The following SPNS2 variants were observed in gnomAD, a reference collection of about 807,000 sequenced individuals.
The protein encoded by SPNS2 is sphingosine-1-phosphate transporter SPNS2.
Under a neutral mutation model 57.6 loss-of-function variants are expected in SPNS2, and 37 were observed. The observed-to-expected ratio is 0.64, with a 90% CI of 0.49 to 0.85. SPNS2 has a LOEUF of 0.85. SPNS2 is among the 40% of genes least tolerant of loss of function. The pLI is 0.00. For missense variants in SPNS2, 831 were observed against 779.1 expected, an observed-to-expected ratio of 1.07 and a Z score of -0.79; for synonymous variants, 440 against 346.9, an observed-to-expected ratio of 1.27 and a Z score of -2.98.
intron 2 of SPNS2, among the ~76,000 whole-genome samples, chr17:4,516,336 AAAAAAAAC>A (rs1904991646): frequency 1.6e-5 from 2 of 126,668 alleles, no homozygotes; most frequent in African/African-American, 6.0e-5. Context: ...AAAAAAAAAA[AAAAAAAAC>A]AAAAAAACCG....
intron 1 of SPNS2, among the ~76,000 whole-genome samples, chr17:4,502,918 G>A (rs767013932): frequency 3.9e-5 from 6 of 152,134 alleles, no homozygotes; most frequent in East Asian, 1.9e-4. Flanking sequence ...CTGCCCCAGC[G>A]CCACCCGGTG....
intron 2 of SPNS2, among the ~76,000 whole-genome samples, chr17:4,523,340 A>G (rs1905185914): frequency 6.6e-6 from 1 of 152,184 alleles, no homozygotes; most frequent in African/African-American, 2.4e-5. Context: ...CAAGAGGCTA[A>G]GGCAGGAGAA....
rs1186978841 is a variant in SPNS2, at chr17:4,510,397, T to A, written c.371-2850T>A. ...CGCCCATCTGGATGTGGAGGAATGTTCTCCCTCTACCAGGAGCTCTATGTG... is the reference window on the plus strand; with the variant it reads ...CGCCCATCTGGATGTGGAGGAATGTACTCCCTCTACCAGGAGCTCTATGTG... On this transcript the variant is annotated intron_variant, in intron 1 of 12. Coordinates refer to ENST00000329078, the MANE Select transcript of SPNS2 (RefSeq NM_001124758.3). The surrounding 1 kb of genome is among the most constrained non-coding windows in gnomAD (Gnocchi z 4.4). Among the ~76,000 whole-genome samples, 1 of 152,070 alleles carries A rather than the reference T, an allele frequency of 6.6e-6. No individual in the cohort carries two copies. Among genetic ancestry groups the A allele is most frequent in the Non-Finnish European group, 1.5e-5 (1 of 68,004 alleles).
chr17:4,499,702 G>A lies in SPNS2; in HGVS notation c.370+285G>A. On this transcript the variant is annotated intron_variant, in intron 1 of 12. Coordinates refer to ENST00000329078, the MANE Select transcript of SPNS2 (RefSeq NM_001124758.3). The surrounding 1 kb of genome is among the most constrained non-coding windows in gnomAD (Gnocchi z 5.2). ...CTCTCCAGCCCTTGACGGCCCATCC[G>A]TTGTCCTCCTCTCCAAGAGTCTCCT... 3.3e-6 allele frequency: 1 copy of A among 303,572 alleles called. No homozygotes were observed. The highest frequency in any genetic ancestry group is 6.1e-6 in the Non-Finnish European group (1 of 164,760). The allele number at this position is 303,572 out of a possible 1,614,324, so 18.8% of individuals were successfully genotyped here.
At chr17:4,528,052 C>T (rs999378354) in intron 3 of SPNS2, among the ~76,000 whole-genome samples, 9 of 151,270 alleles carry the variant, frequency 5.9e-5, no homozygotes, top group African/African-American at 1.2e-4. Flanking sequence ...GACGGAGTTT[C>T]GCTCTTGCTG....
chr17:4,530,641 C>T lies in SPNS2; in HGVS notation c.583C>T (p.Leu195=). 1 of 1,612,110 alleles carries T rather than the reference C, an allele frequency of 6.2e-7. No individual in the cohort carries two copies. Among genetic ancestry groups the T allele is most frequent in the Non-Finnish European group, 8.5e-7 (1 of 1,179,282 alleles). The change falls in exon 4 of 13, where the codon CTG becomes TTG. Residue 195 remains leucine (L), a synonymous_variant. Coordinates refer to ENST00000329078, the MANE Select transcript of SPNS2 (RefSeq NM_001124758.3). ...CCACCCCTCCTCACAGTACTTCTGGCTGCTGGTCCTGTCCCGGGGGCTGGT... is the reference window on the plus strand; with the variant it reads ...CCACCCCTCCTCACAGTACTTCTGGTTGCTGGTCCTGTCCCGGGGGCTGGT... ...SSFIPQQYFW[L]LVLSRGLVGI... is the part of the protein sequence containing the mutation.
Position 4,533,077 on chromosome 17 carries a change from G to T in SPNS2, c.1036G>T (p.Val346Leu). The change falls in exon 7 of 13, where the codon GTG (valine) becomes TTG (leucine). Residue 346 changes from valine (V) to leucine (L), a missense_variant. By Grantham distance (32) the Val-to-Leu change is conservative. Around this residue, in one of 2 missense-constraint regions of SPNS2, gnomAD observed 526 missense variants for 400.9 expected, o/e 1.31. Coordinates refer to ENST00000329078, the MANE Select transcript of SPNS2 (RefSeq NM_001124758.3). ...GCTCTACCTGCACCGCGCCCAAGTT[G>T]TGCAGAAGACAGCAGAGACGTGCAA... ...IPLYLHRAQV[V>L]QKTAETCNSP... is the part of the protein sequence containing the mutation. 1 of 1,613,306 alleles carries T rather than the reference G, an allele frequency of 6.2e-7. No homozygotes were observed. The highest frequency in any genetic ancestry group is 8.5e-7 in the Non-Finnish European group (1 of 1,179,930).
intron 2 of SPNS2, among the ~76,000 whole-genome samples, chr17:4,516,029 T>C (rs1300940957): frequency 2.0e-5 from 3 of 152,180 alleles, no homozygotes; most frequent in Non-Finnish European, 4.4e-5. Flanking sequence ...TTACAGCTCA[T>C]AGGCTGGGCG....
chr17:4,532,849 C>A (rs1467399970), intron 6 of SPNS2, 128 bp from the exon 7 acceptor site: 2 of 1,469,154 alleles, frequency 1.4e-6, no homozygotes, highest in East Asian at 2.3e-5. Context: ...TTCCTGCAGC[C>A]TGAACCCTCA....
intron 2 of SPNS2, among the ~76,000 whole-genome samples, chr17:4,524,741 A>G (rs1334234033): frequency 6.6e-6 from 1 of 152,250 alleles, no homozygotes; most frequent in African/African-American, 2.4e-5. Context: ...GTGAGCCCCT[A>G]GCATAGTGTG....
rs765998678 is a variant in SPNS2 at position 4,499,705 on chromosome 17, G to A, written c.370+288G>A. On this transcript the variant is annotated intron_variant, in intron 1 of 12. Transcript: ENST00000329078. The surrounding 1 kb of genome is among the most constrained non-coding windows in gnomAD (Gnocchi z 5.2). ...TCCAGCCCTTGACGGCCCATCCGTT[G>A]TCCTCCTCTCCAAGAGTCTCCTCTG... is the stretch of plus-strand genomic sequence containing the variant. The A allele has an allele frequency of 4.0e-5, 12 of 298,664 alleles. No individual in the cohort carries two copies. The highest frequency in any genetic ancestry group is 8.9e-4 in the Middle Eastern group (1 of 1,126). 18.5% of individuals were successfully genotyped at this position (298,664 alleles called of 1,614,324 possible).
chr17:4,519,039 C>T (rs1183747563), intron 2 of SPNS2, among the ~76,000 whole-genome samples: 3 of 152,214 alleles, frequency 2.0e-5, no homozygotes, highest in Admixed American at 6.5e-5. Context: ...GAGCATTCTC[C>T]GTCAGCTTGG....
At position 4,499,106 on chromosome 17, in the gene SPNS2, A is replaced by G; in HGVS notation, c.59A>G (p.Asp20Gly). Residue 20 changes from aspartate to glycine, a missense_variant, in exon 1 of 13, where the codon GAC becomes GGC. Transcript: ENST00000329078. This position sits in a 1 kb window ranked among gnomAD's most constrained non-coding sequence, Gnocchi z 5.2. ...AAGGAEEEEA[D>G]AERRRRRRGA... Reference sequence around the variant, plus strand: ...GGCGGCGCGGAGGAGGAGGAGGCGGACGCGGAGCGGCGGCGCCGGCGCCGG... The same window carrying G: ...GGCGGCGCGGAGGAGGAGGAGGCGGGCGCGGAGCGGCGGCGCCGGCGCCGG... 1 of 1,084,502 alleles carries G rather than the reference A, an allele frequency of 9.2e-7. No individual in the cohort carries two copies. Among genetic ancestry groups the G allele is most frequent in the South Asian group, 4.4e-5 (1 of 22,880 alleles). 67.2% of individuals were successfully genotyped at this position (1,084,502 alleles called of 1,614,324 possible). A position where few individuals can be genotyped will look rare whatever the true frequency, so the allele number is the denominator to read the frequency against.
chr17:4,525,100 C>T lies in SPNS2; in HGVS notation c.480C>T (p.Tyr160=), dbSNP rs752391819. 3.7e-6 allele frequency: 6 copies of T among 1,614,228 alleles called. No individual in the cohort carries two copies. The highest frequency in any genetic ancestry group is 4.2e-6 in the Non-Finnish European group (5 of 1,180,030). The change falls in exon 3 of 13, where the codon TAC becomes TAT. Residue 160 remains tyrosine, a synonymous_variant. Transcript: ENST00000329078. The part of the protein sequence containing the change: ...SFMVAAPIFG[Y]LGDRFNRKVI... ...TGGTGGCTGCCCCCATCTTCGGCTA[C>T]CTGGGCGACCGCTTCAACAGGAAGG...
intron 8 of SPNS2, 61 bp downstream of exon 8, chr17:4,533,493 G>A: frequency 6.7e-7 from 1 of 1,496,486 alleles, no homozygotes; most frequent in East Asian, 2.3e-5. Flanking sequence ...GGAGGGTCTG[G>A]AACAGGACAT....
chr17:4,505,999 A>C (rs1287442671), intron 1 of SPNS2, among the ~76,000 whole-genome samples: 4 of 152,018 alleles, frequency 2.6e-5, no homozygotes, highest in African/African-American at 9.7e-5. Flanking sequence ...GCCTGGGGAG[A>C]GGTGGGGTTA....
intron 2 of SPNS2, among the ~76,000 whole-genome samples, chr17:4,513,989 G>A (rs909108760): frequency 6.6e-6 from 1 of 152,210 alleles, no homozygotes. Flanking sequence ...AGCACTTATG[G>A]CAGCCCACCA....
At chr17:4,536,847 G>C (rs376970196) in intron 11 of SPNS2, 53 bp from the exon 12 acceptor site, 1 of 1,492,070 alleles carries the variant, frequency 6.7e-7, no homozygotes, top group East Asian at 2.3e-5. Flanking sequence ...AGCAGTGCCC[G>C]GGCCCGGCCC....
chr17:4,535,243 G>A (rs925237972), intron 9 of SPNS2, among the ~76,000 whole-genome samples: 2 of 152,170 alleles, frequency 1.3e-5, no homozygotes, highest in African/African-American at 2.4e-5. Context: ...GGCCTGCTTG[G>A]TCTGATGGGG....
Sources: allele counts gnomAD v4.1 joint callset (sites outside exome capture counted in the v4.1 genomes callset), GRCh38; gene constraint gnomAD v4.1.1; regional missense constraint gnomAD v4.1.1; non-coding constraint Gnocchi (gnomAD v3.1); transcripts MANE v1.5; gene names NCBI Gene and HGNC (gene_info 2026-07-23, HGNC 2026-07-21).